The following CNTNAP5 variants were observed in gnomAD, a reference collection of about 807,000 sequenced individuals.
CNTNAP5 encodes the protein contactin associated protein family member 5, also known as contactin-associated protein-like 5.
CNTNAP5 carries 72 observed loss-of-function variants against 150.2 expected under a neutral mutation model. The observed-to-expected ratio is 0.48, with a 90% confidence interval of 0.40 to 0.58. CNTNAP5 has a LOEUF of 0.58. Among genes scored for constraint, CNTNAP5 ranks in the 20% least tolerant of loss-of-function variants. The pLI is 0.00. For missense variants in CNTNAP5, 1,636 were observed against 1,626.2 expected, an observed-to-expected ratio of 1.01 and a Z score of -0.10; for synonymous variants, 672 against 619.8, an observed-to-expected ratio of 1.08 and a Z score of -1.25.
intron 1 of CNTNAP5, among the ~76,000 whole-genome samples, chr2:124,050,484 T>A (rs1359099356): frequency 1.3e-5 from 2 of 151,860 alleles, no homozygotes; most frequent in Non-Finnish European, 1.5e-5. Flanking sequence ...AAAAAAAGAA[T>A]AAAGAAATAA....
chr2:124,040,473 G>T (rs1469912397), intron 1 of CNTNAP5, among the ~76,000 whole-genome samples: 1 of 152,046 alleles, frequency 6.6e-6, no homozygotes, highest in Non-Finnish European at 1.5e-5. Context: ...TGGTTTTGAG[G>T]TATTGATTCG....
chr2:124,583,751 G>A (rs1249561088), intron 11 of CNTNAP5, among the ~76,000 whole-genome samples: 2 of 152,140 alleles, frequency 1.3e-5, no homozygotes, highest in Non-Finnish European at 2.9e-5. Flanking sequence ...CATCTCACCG[G>A]TGAGGCAGTG....
intron 1 of CNTNAP5, among the ~76,000 whole-genome samples, chr2:124,031,118 C>T (rs926092354): frequency 1.3e-5 from 2 of 150,374 alleles, no homozygotes; most frequent in African/African-American, 4.9e-5. Context: ...GTTATCTTCT[C>T]TCACTCTCTC....
chr2:124,129,475 G>T (rs1683794325), intron 1 of CNTNAP5, among the ~76,000 whole-genome samples: 1 of 152,058 alleles, frequency 6.6e-6, no homozygotes, highest in African/African-American at 2.4e-5. Flanking sequence ...ATGCAGCAAT[G>T]ATACCCACTT....
intron 13 of CNTNAP5, among the ~76,000 whole-genome samples, chr2:124,696,274 A>G (rs1429438878): frequency 2.0e-5 from 3 of 152,184 alleles, no homozygotes; most frequent in Non-Finnish European, 4.4e-5. Flanking sequence ...GGTAAGTTAA[A>G]GAGGCAGGAA....
chr2:124,757,651 A>G (rs148480213), intron 14 of CNTNAP5, among the ~76,000 whole-genome samples: 2 of 152,152 alleles, frequency 1.3e-5, no homozygotes, highest in Non-Finnish European at 2.9e-5. Context: ...CAATGCAGGA[A>G]ATGTCACAAT....
At chr2:124,258,863 C>CGT (rs1558823016) in intron 3 of CNTNAP5, among the ~76,000 whole-genome samples, 1 of 148,812 alleles carries the variant, frequency 6.7e-6, no homozygotes. Flanking sequence ...TCCAGTAATA[C>CGT]TTTTTTTTTT....
At chr2:124,725,262 A>G (rs1337466009) in intron 13 of CNTNAP5, among the ~76,000 whole-genome samples, 1 of 152,088 alleles carries the variant, frequency 6.6e-6, no homozygotes, top group Non-Finnish European at 1.5e-5. Context: ...CTTCATTTAT[A>G]CTTTATAACA....
intron 6 of CNTNAP5, among the ~76,000 whole-genome samples, chr2:124,463,235 A>G (rs147464478): frequency 1.3e-5 from 2 of 152,348 alleles, no homozygotes; most frequent in African/African-American, 4.8e-5. Context: ...CTCATTGGCC[A>G]AAGAATCTAA....
intron 13 of CNTNAP5, among the ~76,000 whole-genome samples, chr2:124,651,598 T>C (rs946239526): frequency 1.3e-5 from 2 of 151,952 alleles, no homozygotes; most frequent in Non-Finnish European, 2.9e-5. Flanking sequence ...GCAACCAAAA[T>C]CTCCTGAAGT....
At chr2:124,673,458 C>G (rs1339328363) in intron 13 of CNTNAP5, among the ~76,000 whole-genome samples, 1 of 150,616 alleles carries the variant, frequency 6.6e-6, no homozygotes, top group African/African-American at 2.4e-5. Context: ...TTTTTTTTCC[C>G]TAGCTCTCAT....
intron 5 of CNTNAP5, among the ~76,000 whole-genome samples, chr2:124,441,038 C>T (rs1039144569): frequency 5.3e-5 from 8 of 152,056 alleles, no homozygotes; most frequent in South Asian, 4.1e-4. Context: ...CCATCCTACA[C>T]TTCTCATAAA....
At chr2:124,562,323 G>A (rs1421657647) in intron 10 of CNTNAP5, among the ~76,000 whole-genome samples, 1 of 150,188 alleles carries the variant, frequency 6.7e-6, no homozygotes, top group Non-Finnish European at 1.5e-5. Flanking sequence ...TTATAATCAT[G>A]TTTGTTATAA....
At chr2:124,629,994 A>T (rs978400048) in intron 12 of CNTNAP5, among the ~76,000 whole-genome samples, 17 of 150,290 alleles carry the variant, frequency 1.1e-4, no homozygotes, top group African/African-American at 3.4e-4. Context: ...TCCTGGACAC[A>T]TACAACCTCC....
chr2:124,839,223 A>G (rs1213938417), intron 19 of CNTNAP5, among the ~76,000 whole-genome samples: 1 of 152,076 alleles, frequency 6.6e-6, no homozygotes, highest in African/African-American at 2.4e-5. Context: ...GAACTGAAGG[A>G]AAGTCTGGCT....
intron 13 of CNTNAP5, among the ~76,000 whole-genome samples, chr2:124,709,849 GTCAT>G (rs1679769874): frequency 6.6e-6 from 1 of 152,134 alleles, no homozygotes; most frequent in Admixed American, 6.6e-5. Flanking sequence ...AAGGGTATCA[GTCAT>G]TCCTTTGTCC....
At chr2:124,873,255 C>T (rs1304577977) in intron 21 of CNTNAP5, among the ~76,000 whole-genome samples, 3 of 152,014 alleles carry the variant, frequency 2.0e-5, no homozygotes, top group Non-Finnish European at 4.4e-5. Context: ...CACCAACTTA[C>T]TCACCATTGC....
At chr2:124,797,372 G>A (rs923696825) in intron 18 of CNTNAP5, among the ~76,000 whole-genome samples, 1 of 152,108 alleles carries the variant, frequency 6.6e-6, no homozygotes, top group Non-Finnish European at 1.5e-5. Context: ...TTTCTTCCTG[G>A]TGGTGGCAGA....
At chr2:124,041,749 T>C (rs547247034) in intron 1 of CNTNAP5, among the ~76,000 whole-genome samples, 1 of 152,302 alleles carries the variant, frequency 6.6e-6, no homozygotes, top group Admixed American at 6.5e-5. Context: ...TATGTTGTCT[T>C]TTGTCTCCCA....
Sources: allele counts gnomAD v4.1 joint callset (sites outside exome capture counted in the v4.1 genomes callset), GRCh38; gene constraint gnomAD v4.1.1; transcripts MANE v1.5; gene names NCBI Gene and HGNC (gene_info 2026-07-23, HGNC 2026-07-21).